Variants in AVEN observed in about 807,000 individuals in gnomAD.
AVEN encodes the protein apoptosis and caspase activation inhibitor.
AVEN carries 41 observed loss-of-function variants against 38.1 expected under a neutral mutation model. The observed-to-expected ratio is 1.08, with a 90% CI of 0.84 to 1.40. The LOEUF (loss-of-function observed/expected upper bound fraction) is 1.40. AVEN is among the 40% of genes most tolerant of loss of function. The probability of loss-of-function intolerance (pLI) is 0.00; values close to 1 mark genes in which losing one functional copy is unlikely to be tolerated. For synonymous variants in AVEN, 206 were observed against 171.8 expected (o/e 1.20, Z -1.56); for missense variants, 605 against 438.8 (o/e 1.38, Z -3.38).
At chr15:33,981,042 C>CT (rs907200822) in intron 2 of AVEN, among the ~76,000 whole-genome samples, 2 of 151,906 alleles carry the variant, frequency 1.3e-5, no homozygotes, top group African/African-American at 4.8e-5. Flanking sequence ...TGAGGTCACA[C>CT]TGAGTTTTTA....
At chr15:34,059,803 G>A (rs553938822) in intron 5 of AVEN, among the ~76,000 whole-genome samples, 1 of 152,290 alleles carries the variant, frequency 6.6e-6, no homozygotes, top group Non-Finnish European at 1.5e-5. Context: ...TCCACTCAAC[G>A]AGGCTGGAGG....
At chr15:34,045,292 G>A (rs1016146260) in intron 5 of AVEN, among the ~76,000 whole-genome samples, 4 of 152,054 alleles carry the variant, frequency 2.6e-5, no homozygotes, top group African/African-American at 4.8e-5. Flanking sequence ...ATCCTGCTCT[G>A]GATATTATTG....
intron 5 of AVEN, among the ~76,000 whole-genome samples, chr15:34,047,649 T>C (rs1254859094): frequency 6.6e-6 from 1 of 152,196 alleles, no homozygotes; most frequent in African/African-American, 2.4e-5. Context: ...CCATTCTAGC[T>C]TGCGGCTTTG....
At chr15:33,975,496 G>T (rs2036638891) in intron 2 of AVEN, among the ~76,000 whole-genome samples, 1 of 152,054 alleles carries the variant, frequency 6.6e-6, no homozygotes, top group African/African-American at 2.4e-5. Context: ...CTATAATTTG[G>T]GTTGGAATAT....
chr15:33,971,630 AG>A (rs968069213), intron 2 of AVEN, among the ~76,000 whole-genome samples: 22 of 152,206 alleles, frequency 1.4e-4, no homozygotes, highest in African/African-American at 5.1e-4. Flanking sequence ...TTCAACTTAA[AG>A]GGACATTGCA....
intron 2 of AVEN, among the ~76,000 whole-genome samples, chr15:33,984,435 T>C (rs1263281235): frequency 6.6e-6 from 1 of 151,592 alleles, no homozygotes. Flanking sequence ...AGAGTTTCAC[T>C]CTTGTTGCTC....
chr15:33,892,331 G>C (rs1474900112), intron 2 of AVEN, among the ~76,000 whole-genome samples: 1 of 152,194 alleles, frequency 6.6e-6, no homozygotes, highest in African/African-American at 2.4e-5. Flanking sequence ...TATTGCCTAG[G>C]TTTTCTTCTA....
At chr15:33,882,220 A>G (rs1468302280) in intron 2 of AVEN, among the ~76,000 whole-genome samples, 1 of 152,200 alleles carries the variant, frequency 6.6e-6, no homozygotes, top group Non-Finnish European at 1.5e-5. Context: ...ATATTCTACT[A>G]CTTTATAGAT....
At chr15:33,930,722 G>A (rs1373591696) in intron 2 of AVEN, among the ~76,000 whole-genome samples, 2 of 152,190 alleles carry the variant, frequency 1.3e-5, no homozygotes, top group African/African-American at 2.4e-5. Flanking sequence ...TTGGGAGGCC[G>A]AGGCAGGAGG....
Position 34,046,317 on chromosome 15 carries a change from A to T in AVEN, n.1637+16605T>A, listed in dbSNP as rs142215097. Among the ~76,000 whole-genome samples, 66 of 144,776 alleles carry T rather than the reference A, an allele frequency of 4.6e-4. No homozygotes were observed. In the East Asian group the frequency reaches 0.01, roughly 23 times the overall value. The allele number at this position is 144,776 out of a possible 152,430, so 95.0% of individuals were successfully genotyped here. ...GTCCAGCAGCCTAGGAATCAGGAAA[A>T]GTTATTCTCCCAAAAAGTGAGGCAG... On this transcript the variant is annotated intron_variant and non_coding_transcript_variant, in intron 5 of 11. Transcript: ENST00000675287.
intron 1 of AVEN, among the ~76,000 whole-genome samples, chr15:34,029,659 C>T (rs1407289065): frequency 6.6e-6 from 1 of 151,888 alleles, no homozygotes; most frequent in African/African-American, 2.4e-5. Context: ...GAGTGAAGGA[C>T]ACCAAGGGAA....
chr15:34,012,115 C>A (rs555828015), intron 1 of AVEN, among the ~76,000 whole-genome samples: 1 of 152,202 alleles, frequency 6.6e-6, no homozygotes, highest in African/African-American at 2.4e-5. Flanking sequence ...AGCCATTTTG[C>A]AAGTCCCAAC....
At chr15:33,857,770 T>C (rs1442914246), downstream of AVEN, 1 of 1,613,882 alleles carries the variant, frequency 6.2e-7, no homozygotes, top group African/African-American at 1.3e-5. Context: ...CTCTGTCCTC[T>C]CATTCCCAGT....
Position 34,001,019 on chromosome 15 carries a change from A to ATTT in AVEN, c.445+2010_445+2012dup, listed in dbSNP as rs562045179. On this transcript the variant is annotated intron_variant, in intron 2 of 5. Coordinates refer to ENST00000306730, the MANE Select transcript of AVEN (RefSeq NM_020371.3). Reference sequence around the variant, plus strand: ...GACAGGCCTGCTAGGTTGGACTAGAATTTTTTTTTTTTTTTTTTGAGACGG... The same window carrying ATTT: ...GACAGGCCTGCTAGGTTGGACTAGAATTTTTTTTTTTTTTTTTTTTTGAGACGG... Among the ~76,000 whole-genome samples, 587 of 136,734 alleles carry ATTT rather than the reference A, an allele frequency of 4.3e-3. 14 individuals are homozygous for ATTT. The highest frequency in any genetic ancestry group is 0.015 in the African/African-American group (531 of 35,838). The allele number at this position is 136,734 out of a possible 152,430, so 89.7% of individuals were successfully genotyped here. A position where few individuals can be genotyped will look rare whatever the true frequency, so the allele number is the denominator to read the frequency against.
intron 4 of AVEN, 89 bp downstream of exon 4, chr15:33,870,846 C>T: frequency 1.1e-6 from 1 of 873,382 alleles, no homozygotes; most frequent in Non-Finnish European, 1.7e-6. Context: ...GGGAAGCTGA[C>T]ACTGAGACAT....
chr15:33,961,579 C>T lies in AVEN; in HGVS notation c.445+41453G>A, dbSNP rs958523309. On this transcript the variant is annotated intron_variant, in intron 2 of 5. Coordinates refer to ENST00000306730, the MANE Select transcript of AVEN (RefSeq NM_020371.3). ...CTGTAATCCCAGCACTTTGGGAGGC[C>T]AAGGTGGGCGAATCACGAGGTCAGG... Among the ~76,000 whole-genome samples, 36 of 151,844 alleles carry T rather than the reference C, an allele frequency of 2.4e-4. No homozygotes were observed. In the South Asian group the frequency reaches 3.5e-3, roughly 15 times the overall value.
chr15:33,967,018 T>G (rs1381650664), intron 2 of AVEN, among the ~76,000 whole-genome samples: 1 of 152,202 alleles, frequency 6.6e-6, no homozygotes, highest in East Asian at 1.9e-4. Flanking sequence ...GGCTTAAAAC[T>G]TGGGGTATTT....
chr15:33,994,570 G>C (rs1442809897), intron 2 of AVEN, among the ~76,000 whole-genome samples: 2 of 152,162 alleles, frequency 1.3e-5, no homozygotes, highest in Non-Finnish European at 2.9e-5. Flanking sequence ...AAAAAGGTTG[G>C]GGACCTCTGC....
At chr15:33,895,048 C>T (rs1567401474) in intron 2 of AVEN, among the ~76,000 whole-genome samples, 2 of 151,874 alleles carry the variant, frequency 1.3e-5, no homozygotes, top group East Asian at 2.0e-4. Flanking sequence ...ATTGAAAGAA[C>T]GTTTCCATCT....
Sources: gnomAD v4.1 joint callset for allele counts (sites outside exome capture counted in the v4.1 genomes callset) on GRCh38, gnomAD v4.1.1 for gene constraint, MANE v1.5 for transcripts, NCBI Gene and HGNC (gene_info 2026-07-23, HGNC 2026-07-21) for gene names.